FHIT: variants seen among roughly 807,000 people sequenced by gnomAD.
FHIT encodes fragile histidine triad diadenosine triphosphatase, also known as bis(5'-adenosyl)-triphosphatase.
In FHIT, 19 loss-of-function variants were observed where a neutral mutation model predicts 17.9. That is an observed-to-expected ratio of 1.06 (90% CI 0.74 to 1.56). FHIT has a LOEUF of 1.56. FHIT is among the 40% of genes most tolerant of loss of function. The pLI, the probability that FHIT is intolerant of heterozygous loss-of-function variation, is 0.00. For synonymous variants in FHIT, 81 were observed against 69.7 expected (o/e 1.16, Z -0.81); for missense variants, 248 against 189.2 (o/e 1.31, Z -1.82).
chr3:60,411,124 A>T lies in FHIT; in HGVS notation c.103+125736T>A, dbSNP rs1384069990. ...ATACACATAAAGGATTTCTGTCTGC[A>T]CCATCATAGAACGATCTAAGATTCA... is the stretch of plus-strand genomic sequence containing the variant. On this transcript the variant is annotated intron_variant, in intron 5 of 9. Coordinates refer to ENST00000492590, the MANE Select transcript of FHIT (RefSeq NM_002012.4). 3.3e-5 allele frequency among the ~76,000 whole-genome samples: 5 copies of T among 152,274 alleles called. No individual in the cohort carries two copies. In the East Asian group the frequency reaches 9.7e-4, roughly 29 times the overall value.
intron 5 of FHIT, among the ~76,000 whole-genome samples, chr3:60,185,376 G>A (rs1229611280): frequency 6.6e-6 from 1 of 152,170 alleles, no homozygotes; most frequent in East Asian, 1.9e-4. Flanking sequence ...GCATCATGCA[G>A]TAGATAGCCT....
At chr3:61,085,670 T>G (rs1202353856) in intron 2 of FHIT, among the ~76,000 whole-genome samples, 1 of 152,142 alleles carries the variant, frequency 6.6e-6, no homozygotes, top group Non-Finnish European at 1.5e-5. Context: ...ATCTTGATTT[T>G]GGTGTTATAT....
intron 3 of FHIT, among the ~76,000 whole-genome samples, chr3:61,025,845 T>G (rs2032704376): frequency 6.6e-6 from 1 of 152,212 alleles, no homozygotes; most frequent in African/African-American, 2.4e-5. Context: ...AAGTTTTACT[T>G]TCCAAATAGC....
At chr3:61,024,170 C>T (rs796604778) in intron 3 of FHIT, among the ~76,000 whole-genome samples, 7 of 152,138 alleles carry the variant, frequency 4.6e-5, no homozygotes, top group African/African-American at 1.7e-4. Flanking sequence ...TATAACTTCG[C>T]ATCTTTTCAA....
At chr3:60,131,841 A>G (rs1021026347) in intron 5 of FHIT, among the ~76,000 whole-genome samples, 6 of 152,066 alleles carry the variant, frequency 3.9e-5, no homozygotes, top group African/African-American at 1.4e-4. Flanking sequence ...CTCAAAGCCA[A>G]TCACATAGGT....
chr3:59,837,341 T>A (rs1157448197), intron 8 of FHIT, among the ~76,000 whole-genome samples: 1 of 152,192 alleles, frequency 6.6e-6, no homozygotes, highest in Non-Finnish European at 1.5e-5. Flanking sequence ...TCTTCACATA[T>A]CGTTCAAATC....
At chr3:60,543,906 G>GTTTT (rs1184405600) in intron 4 of FHIT, among the ~76,000 whole-genome samples, 1 of 10,924 alleles carries the variant, frequency 9.2e-5, no homozygotes, top group Non-Finnish European at 1.5e-4. Context: ...ACCACGCCCG[G>GTTTT]CTTTTTTTTT....
At chr3:59,870,674 T>C (rs974337382) in intron 8 of FHIT, among the ~76,000 whole-genome samples, 2 of 152,192 alleles carry the variant, frequency 1.3e-5, no homozygotes, top group Non-Finnish European at 2.9e-5. Context: ...TAAGGTACCA[T>C]GCATGTGTCA....
chr3:60,343,559 A>T (rs1710629594), intron 5 of FHIT, among the ~76,000 whole-genome samples: 1 of 152,236 alleles, frequency 6.6e-6, no homozygotes, highest in African/African-American at 2.4e-5. Flanking sequence ...CACTTTCCCC[A>T]GATATGCTAC....
At chr3:61,129,059 T>A (rs554626321) in intron 2 of FHIT, among the ~76,000 whole-genome samples, 1 of 152,284 alleles carries the variant, frequency 6.6e-6, no homozygotes, top group African/African-American at 2.4e-5. Flanking sequence ...GATGTGCAGC[T>A]CCCTCAAAGT....
chr3:60,554,337 C>G (rs2036670767), intron 4 of FHIT, among the ~76,000 whole-genome samples: 1 of 151,416 alleles, frequency 6.6e-6, no homozygotes, highest in Non-Finnish European at 1.5e-5. Context: ...AATACAAAAA[C>G]AATCCTTAAA....
intron 8 of FHIT, among the ~76,000 whole-genome samples, chr3:59,852,235 G>C (rs975088424): frequency 1.2e-4 from 18 of 152,230 alleles, no homozygotes; most frequent in African/African-American, 4.1e-4. Flanking sequence ...TTCGGGTAGA[G>C]AGTAGAGCAA....
chr3:60,313,547 G>A (rs1709039192), intron 5 of FHIT, among the ~76,000 whole-genome samples: 1 of 152,150 alleles, frequency 6.6e-6, no homozygotes, highest in Non-Finnish European at 1.5e-5. Flanking sequence ...ATACAAATAG[G>A]TTGTCACGTA....
chr3:61,190,460 G>A (rs2038677518), intron 2 of FHIT, among the ~76,000 whole-genome samples: 1 of 152,162 alleles, frequency 6.6e-6, no homozygotes, highest in African/African-American at 2.4e-5. Context: ...TGGAGAAATA[G>A]GAACACTGTT....
chr3:60,735,019 T>C (rs1342240356), intron 4 of FHIT, among the ~76,000 whole-genome samples: 1 of 152,158 alleles, frequency 6.6e-6, no homozygotes, highest in Non-Finnish European at 1.5e-5. Context: ...GCATCAAGAA[T>C]TACAATGAAA....
chr3:59,828,841 C>CTTTGTG (rs1491505595), intron 8 of FHIT, among the ~76,000 whole-genome samples: 1 of 2,680 alleles, frequency 3.7e-4, no homozygotes, highest in Non-Finnish European at 1.5e-3. Flanking sequence ...ACCAATGGTA[C>CTTTGTG]TCTCTCTGTG....
intron 8 of FHIT, among the ~76,000 whole-genome samples, chr3:59,784,721 C>A (rs371246872): frequency 6.6e-6 from 1 of 152,204 alleles, no homozygotes; most frequent in East Asian, 1.9e-4. Context: ...GTCCTTCCTG[C>A]ACCAAGGCTT....
intron 4 of FHIT, among the ~76,000 whole-genome samples, chr3:60,705,357 C>A (rs1251646555): frequency 6.6e-6 from 1 of 152,148 alleles, no homozygotes; most frequent in Non-Finnish European, 1.5e-5. Context: ...TAAGAACCTT[C>A]ACCTTGTTTC....
intron 5 of FHIT, among the ~76,000 whole-genome samples, chr3:60,024,010 GA>G (rs1559557338): frequency 6.6e-6 from 1 of 150,424 alleles, no homozygotes; most frequent in African/African-American, 2.5e-5. Flanking sequence ...AAAGAATTAT[GA>G]ATTCCTAATA....
Sources: allele counts gnomAD v4.1 joint callset (sites outside exome capture counted in the v4.1 genomes callset), GRCh38; gene constraint gnomAD v4.1.1; transcripts MANE v1.5; gene names NCBI Gene and HGNC (gene_info 2026-07-23, HGNC 2026-07-21).